Variants in CCNP observed in about 807,000 individuals in gnomAD.
CCNP encodes cyclin P.
Under a neutral mutation model 19.6 loss-of-function variants are expected in CCNP, and 18 were observed. That is an observed-to-expected ratio of 0.92 (90% CI 0.64 to 1.36). The LOEUF (loss-of-function observed/expected upper bound fraction) is 1.36. Among genes scored for constraint, CCNP ranks in the 40% most tolerant of loss-of-function variants. CCNP has a pLI of 0.00. For synonymous variants in CCNP, 228 were observed against 194.9 expected, an observed-to-expected ratio of 1.17 and a Z score of -1.41; for missense variants, 440 against 424.4, an observed-to-expected ratio of 1.04 and a Z score of -0.32.
chr19:40,223,019 C>A lies in CCNP; in HGVS notation c.*33G>T. On this transcript the variant is annotated 3_prime_UTR_variant, in exon 5 of 5. Coordinates refer to ENST00000430325, the MANE Select transcript of CCNP (RefSeq NM_024877.4). ...CCTCCCACCCCATTCTCTCCCACAC[C>A]CAGAAAAATCAAGTCTAGGTGCCAC... 1 of 1,310,586 alleles carries A rather than the reference C, an allele frequency of 7.6e-7. No individual in the cohort carries two copies. The highest frequency in any genetic ancestry group is 1.3e-5 in the South Asian group (1 of 74,240). The allele number at this position is 1,310,586 out of a possible 1,614,324, so 81.2% of individuals were successfully genotyped here.
At position 40,224,653 on chromosome 19, in the gene CCNP, G is replaced by A. The variant is rs375099334; in HGVS notation, c.358-10C>T. ...CCAGACCCAGGTACTCCTGAGGAGG[G>A]GCAAGGGTGACCACGGGGTCCTGGG... On this transcript the variant is annotated splice_polypyrimidine_tract_variant and intron_variant, in intron 2 of 4. Coordinates refer to ENST00000430325, the MANE Select transcript of CCNP (RefSeq NM_024877.4). The A allele has an allele frequency of 4.3e-6, 7 of 1,614,034 alleles. No homozygotes were observed. Among genetic ancestry groups the A allele is most frequent in the South Asian group, 2.2e-5 (2 of 91,086 alleles).
intron 3 of CCNP, among the ~76,000 whole-genome samples, chr19:40,223,951 C>G (rs1331702301): frequency 6.6e-6 from 1 of 151,330 alleles, no homozygotes; most frequent in Non-Finnish European, 1.5e-5. Context: ...GTCACCTTGG[C>G]TCCCCAAAGT....
chr19:40,225,062 CTT>C (rs11301448), intron 1 of CCNP: 26,926 of 368,988 alleles, frequency 0.073, 152 homozygotes, highest in African/African-American at 0.11. Context: ...CCAGACTTCA[CTT>C]TTTTTTTTTT....
rs1468743065 is a variant in CCNP, at chr19:40,223,442, G to A, written c.618C>T (p.Pro206=). 21 of 1,607,100 alleles carry A rather than the reference G, an allele frequency of 1.3e-5. No homozygotes were observed. The South Asian group carries it at 2.1e-4, about 16-fold the overall frequency. ...LSRLDFRLHH[P]GPLLCLGLLA... is the part of the protein sequence containing the mutation. ...GCAGCCCGAGGCACAGCAGCGGGCC[G>A]GGGTGGTGCAGCCGGAAATCCAGGC... Residue 206 remains proline, a synonymous_variant, in exon 4 of 5, where the codon CCC becomes CCT. Coordinates refer to ENST00000430325, the MANE Select transcript of CCNP (RefSeq NM_024877.4).
At chr19:40,225,068 T>A in intron 1 of CCNP, 3 of 509,792 alleles carry the variant, frequency 5.9e-6, no homozygotes, top group Non-Finnish European at 1.0e-5. Context: ...TTCACTTTTT[T>A]TTTTTTTTTT....
In CCNP at chr19:40,222,980, TG is replaced by T; in HGVS notation, c.*71del. On this transcript the variant is annotated 3_prime_UTR_variant, in exon 5 of 5. Transcript: ENST00000430325. ...GGGCAAGGTTAAGAGACCCCAGATCTGGACTAATGGGGTCCTCCCACCCCAT... is the reference window on the plus strand; with the variant it reads ...GGGCAAGGTTAAGAGACCCCAGATCTGACTAATGGGGTCCTCCCACCCCAT... 1.2e-6 allele frequency: 1 copy of T among 857,956 alleles called. No homozygotes were observed. The highest frequency in any genetic ancestry group is 1.8e-6 in the Non-Finnish European group (1 of 553,404). 53.1% of individuals were successfully genotyped at this position (857,956 alleles called of 1,614,324 possible). A position where few individuals can be genotyped will look rare whatever the true frequency, so the allele number is the denominator to read the frequency against.
Position 40,226,537 on chromosome 19 carries a change from G to T in CCNP, c.105C>A (p.Leu35=). ...CTGCGGCGCTTGAAGGCTCTGCGTC[G>T]AGGGAGGCAGCGAGACTCTGCAAAG... ...PSPLQSLAAS[L]DAEPSSAAVP... is the part of the protein sequence containing the mutation. Residue 35 remains leucine (L), a synonymous_variant, in exon 1 of 5, where the codon CTC becomes CTA. Transcript: ENST00000430325. The T allele has an allele frequency of 6.3e-7, 1 of 1,585,414 alleles. No homozygotes were observed.
At chr19:40,225,693 G>A (rs1356479661) in intron 1 of CCNP, among the ~76,000 whole-genome samples, 4 of 152,198 alleles carry the variant, frequency 2.6e-5, no homozygotes, top group African/African-American at 9.7e-5. Flanking sequence ...CCGTCATTCA[G>A]CTAACATCTC....
Position 40,226,619 on chromosome 19 carries a change from T to C in CCNP, c.23A>G (p.Gln8Arg), listed in dbSNP as rs1458537098. Reference protein sequence around the residue: MLVRGRDQGSGSRLGPIV... With the variant: MLVRGRDRGSGSRLGPIV... ...AGGCCCGAGCCGGGAGCCGGACCCC[T>C]GGTCCCTGCCTCTCACCAGCATCCT... Residue 8 changes from glutamine (Q) to arginine (R), a missense_variant, in exon 1 of 5, where the codon CAG becomes CGG. Gln to Arg is a conservative substitution (Grantham distance 43, BLOSUM62 1). Coordinates refer to ENST00000430325, the MANE Select transcript of CCNP (RefSeq NM_024877.4). 2 of 1,579,294 alleles carry C rather than the reference T, an allele frequency of 1.3e-6. No individual in the cohort carries two copies. Among genetic ancestry groups the C allele is most frequent in the Non-Finnish European group, 8.6e-7 (1 of 1,163,972 alleles).
intron 1 of CCNP, among the ~76,000 whole-genome samples, chr19:40,226,068 TAAA>T (rs943696881): frequency 6.6e-6 from 1 of 152,236 alleles, no homozygotes; most frequent in Non-Finnish European, 1.5e-5. Flanking sequence ...CTCCAGCACC[TAAA>T]ACATTTGCTA....
Position 40,223,137 on chromosome 19 carries a change from C to T in CCNP, c.839G>A (p.Gly280Glu), listed in dbSNP as rs756859794. ...GCTGCGGTGACCCCATACACTTCCTCCGCCAAGACTACACCTGTAAAGTTC... is the reference window on the plus strand; with the variant it reads ...GCTGCGGTGACCCCATACACTTCCTTCGCCAAGACTACACCTGTAAAGTTC... The part of the protein sequence containing the change: ...QPELYRCSLG[G>E]GSVWGHRSFR... The change falls in exon 5 of 5, where the codon GGA (glycine) becomes GAA (glutamate). Residue 280 changes from glycine (G) to glutamate (E), a missense_variant. By Grantham distance (98) the Gly-to-Glu change is moderately conservative. Coordinates refer to ENST00000430325, the MANE Select transcript of CCNP (RefSeq NM_024877.4). 1.8e-5 allele frequency: 28 copies of T among 1,551,512 alleles called. No homozygotes were observed. The highest frequency in any genetic ancestry group is 2.3e-5 in the Non-Finnish European group (26 of 1,146,958).
Position 40,226,638 on chromosome 19 carries a change from G to A in CCNP, c.4C>T (p.Leu2=). The part of the protein sequence containing the change: M[L]VRGRDQGSGS... Reference sequence around the variant, plus strand: ...GACCCCTGGTCCCTGCCTCTCACCAGCATCCTCCAGGAGGGTGTTGCGGGC... The same window carrying A: ...GACCCCTGGTCCCTGCCTCTCACCAACATCCTCCAGGAGGGTGTTGCGGGC... Residue 2 remains leucine, a synonymous_variant, in exon 1 of 5, where the codon CTG becomes TTG. Coordinates refer to ENST00000430325, the MANE Select transcript of CCNP (RefSeq NM_024877.4). 6.3e-7 allele frequency: 1 copy of A among 1,577,438 alleles called. No homozygotes were observed. Among genetic ancestry groups the A allele is most frequent in the Non-Finnish European group, 8.6e-7 (1 of 1,163,470 alleles).
rs1568501859 is a variant in CCNP at position 40,224,745 on chromosome 19, C to CG, written c.333_334insC (p.Val112ArgfsTer16). ...ACGTGCACCTGGACCAGCCAGTCTA[C>CG]CACCAGGGCGCGCATCTCCGGGGTC... On this transcript the variant is annotated frameshift_variant, in exon 2 of 5. Coordinates refer to ENST00000430325, the MANE Select transcript of CCNP (RefSeq NM_024877.4). LOFTEE classifies it high-confidence loss of function. 6.4e-7 allele frequency: 1 copy of CG among 1,572,048 alleles called. No individual in the cohort carries two copies. The highest frequency in any genetic ancestry group is 2.4e-5 in the East Asian group (1 of 41,944).
Position 40,226,606 on chromosome 19 carries a change from G to C in CCNP, c.36C>G (p.Ser12=). The change falls in exon 1 of 5, where the codon TCC becomes TCG. Residue 12 remains serine, a synonymous_variant. Coordinates refer to ENST00000430325, the MANE Select transcript of CCNP (RefSeq NM_024877.4). ...AGCGCCTAACGATAGGCCCGAGCCG[G>C]GAGCCGGACCCCTGGTCCCTGCCTC... is the stretch of plus-strand genomic sequence containing the variant. The part of the protein sequence containing the change: ...LVRGRDQGSG[S]RLGPIVRRWA... 6.3e-7 allele frequency: 1 copy of C among 1,579,148 alleles called. No homozygotes were observed. Among genetic ancestry groups the C allele is most frequent in the Non-Finnish European group, 8.6e-7 (1 of 1,163,980 alleles).
Position 40,223,316 on chromosome 19 carries a change from C to T in CCNP, c.673-13G>A. 1 of 1,506,964 alleles carries T rather than the reference C, an allele frequency of 6.6e-7. No individual in the cohort carries two copies. The highest frequency in any genetic ancestry group is 8.9e-7 in the Non-Finnish European group (1 of 1,123,304). 93.3% of individuals were successfully genotyped at this position (1,506,964 alleles called of 1,614,324 possible). On this transcript the variant is annotated splice_polypyrimidine_tract_variant and intron_variant, in intron 4 of 4. Transcript: ENST00000430325. ...CAAGTAACATCACCTGCAAGTGAGG[C>T]GGGGCGACTGTCAGGCCACGCCCCA...
rs1001276678 is a variant in CCNP at position 40,224,710 on chromosome 19, C to T, written c.357+12G>A. On this transcript the variant is annotated intron_variant, in intron 2 of 4. Coordinates refer to ENST00000430325, the MANE Select transcript of CCNP (RefSeq NM_024877.4). ...CGCAAACTCAGCCCCCCACACCCTTCCAGATACCTACGTGCACCTGGACCA... is the reference window on the plus strand; with the variant it reads ...CGCAAACTCAGCCCCCCACACCCTTTCAGATACCTACGTGCACCTGGACCA... 1 of 1,596,606 alleles carries T rather than the reference C, an allele frequency of 6.3e-7. No individual in the cohort carries two copies. Among genetic ancestry groups the T allele is most frequent in the Non-Finnish European group, 8.5e-7 (1 of 1,172,614 alleles).
rs933222223 is a variant in CCNP, at chr19:40,223,258, C to T, written c.718G>A (p.Ala240Thr). The change falls in exon 5 of 5, where the codon GCC becomes ACC. Residue 240 changes from alanine (A) to threonine (T), a missense_variant. By Grantham distance (58) the Ala-to-Thr change is moderately conservative. Coordinates refer to ENST00000430325, the MANE Select transcript of CCNP (RefSeq NM_024877.4). The stretch of plus-strand genomic sequence containing the variant: ...CCCGGCTCCCATCCCGCCGCCTCGG[C>T]CTCCAGCAAAGACAGCTCCAGGAAG... ...TYFLELSLLE[A>T]EAAGWEPGRR... is the part of the protein sequence containing the mutation. 6.5e-7 allele frequency: 1 copy of T among 1,543,966 alleles called. No homozygotes were observed. Among genetic ancestry groups the T allele is most frequent in the African/African-American group, 1.4e-5 (1 of 72,858 alleles).
In CCNP at chr19:40,223,189, C is replaced by G. The variant is rs147729392; in HGVS notation, c.787G>C (p.Asp263His). 0.013 allele frequency: 19,405 copies of G among 1,551,032 alleles called. 193 individuals carry two copies. The highest frequency in any genetic ancestry group is 0.043 in the Middle Eastern group (259 of 5,992). The change falls in exon 5 of 5, where the codon GAC becomes CAC. Residue 263 changes from aspartate (D) to histidine (H), a missense_variant. Coordinates refer to ENST00000430325, the MANE Select transcript of CCNP (RefSeq NM_024877.4). Reference sequence around the variant, plus strand: ...GGCTGGAGCCTGGAGCCCGCCCCGTCGAGCAAGCGGTGCGCCAGGCTCAGA... The same window carrying G: ...GGCTGGAGCCTGGAGCCCGCCCCGTGGAGCAAGCGGTGCGCCAGGCTCAGA... ...AALSLAHRLLDGAGSRLQPEL... is the reference protein window; with the variant it reads ...AALSLAHRLLHGAGSRLQPEL...
At position 40,224,503 on chromosome 19, in the gene CCNP, C is replaced by T. The variant is rs751661300; in HGVS notation, c.498G>A (p.Glu166=). 6.2e-7 allele frequency: 1 copy of T among 1,614,202 alleles called. No individual in the cohort carries two copies. The highest frequency in any genetic ancestry group is 1.1e-5 in the South Asian group (1 of 91,088). Residue 166 remains glutamate, a synonymous_variant, in exon 3 of 5, where the codon GAG becomes GAA. Transcript: ENST00000430325. ...CCGGAAGTACCTCGGGAAGCACGCA[C>T]TCTTCCATTTTGCACGCCACAAACA... The part of the protein sequence containing the change: ...ACLFVACKME[E]CVLPEPAFLC...
Sources: gnomAD v4.1 joint callset for allele counts (sites outside exome capture counted in the v4.1 genomes callset) on GRCh38, gnomAD v4.1.1 for gene constraint, MANE v1.5 for transcripts, NCBI Gene and HGNC (gene_info 2026-07-23, HGNC 2026-07-21) for gene names.